SSX2IP: variants seen among roughly 807,000 people sequenced by gnomAD.
The protein encoded by SSX2IP is SSX family member 2 interacting protein.
SSX2IP carries 55 observed loss-of-function variants against 84.9 expected under a neutral mutation model. The ratio of observed to expected loss-of-function variants is 0.65; its 90% confidence interval spans 0.52 to 0.81. The LOEUF (loss-of-function observed/expected upper bound fraction) is 0.81. Among genes scored for constraint, SSX2IP ranks in the 30% least tolerant of loss-of-function variants. The pLI, the probability that SSX2IP is intolerant of heterozygous loss-of-function variation, is 0.00. For missense variants in SSX2IP, 664 were observed against 705.2 expected, an observed-to-expected ratio of 0.94 and a Z score of 0.66; for synonymous variants, 239 against 234.7, an observed-to-expected ratio of 1.02 and a Z score of -0.17.
chr1:84,647,470 T>A lies in SSX2IP; in HGVS notation c.1808A>T (p.Tyr603Phe). 1 of 1,607,876 alleles carries A rather than the reference T, an allele frequency of 6.2e-7. No homozygotes were observed. Among genetic ancestry groups the A allele is most frequent in the Non-Finnish European group, 8.5e-7 (1 of 1,177,276 alleles). The change falls in exon 14 of 14, where the codon TAC (tyrosine) becomes TTC (phenylalanine). Residue 603 changes from tyrosine (Y) to phenylalanine (F), a missense_variant. Transcript: ENST00000342203. ...ATCTTTTTCTACATGAGAATTTGTG[T>A]AGCTCAAGGAGCATCCACTATAGCA... ...EGCYSGCSLS[Y>F]TNSHVEKDDL... is the part of the protein sequence containing the mutation.
At chr1:84,685,470 G>A (rs886085883) in intron 1 of SSX2IP, among the ~76,000 whole-genome samples, 4 of 152,214 alleles carry the variant, frequency 2.6e-5, no homozygotes, top group Non-Finnish European at 4.4e-5. Context: ...TCCATTAGCT[G>A]TTATCACTTA....
intron 1 of SSX2IP, among the ~76,000 whole-genome samples, chr1:84,676,671 T>C (rs1166369999): frequency 7.0e-6 from 1 of 143,428 alleles, no homozygotes; most frequent in African/African-American, 2.7e-5. Flanking sequence ...TTCTAATTGG[T>C]TGTGAAGCCA....
intron 1 of SSX2IP, among the ~76,000 whole-genome samples, chr1:84,682,015 T>C (rs1024615990): frequency 6.6e-6 from 1 of 152,224 alleles, no homozygotes; most frequent in African/African-American, 2.4e-5. Context: ...AAATTGACTT[T>C]ATTAACACCC....
chr1:84,689,921 T>C (rs892953894), intron 1 of SSX2IP, among the ~76,000 whole-genome samples: 14 of 152,314 alleles, frequency 9.2e-5, no homozygotes, highest in African/African-American at 3.4e-4. Context: ...GACTGCCTCT[T>C]GCGGCTGCAC....
rs772023842 is a variant in SSX2IP, at chr1:84,665,885, T to TA, written c.537+236dup. Among the ~76,000 whole-genome samples the TA allele has an allele frequency of 4.6e-5, 7 of 152,308 alleles. No homozygotes were observed. In the East Asian group the frequency reaches 9.6e-4, roughly 21 times the overall value. ...AAGGGCAGTCCAGGACACTGGCTGTTACCAGCTATGAACTAATATCTAAGC... is the reference window on the plus strand; with the variant it reads ...AAGGGCAGTCCAGGACACTGGCTGTTAACCAGCTATGAACTAATATCTAAGC... On this transcript the variant is annotated intron_variant, in intron 5 of 13. Coordinates refer to ENST00000342203, the MANE Select transcript of SSX2IP (RefSeq NM_001166293.2).
chr1:84,688,547 T>A (rs1214910324), intron 1 of SSX2IP, among the ~76,000 whole-genome samples: 2 of 152,224 alleles, frequency 1.3e-5, no homozygotes, highest in African/African-American at 4.8e-5. Flanking sequence ...AACGCCTACT[T>A]TATAAAACCG....
chr1:84,656,712 CAGG>C (rs1651179394), intron 9 of SSX2IP, among the ~76,000 whole-genome samples: 2 of 152,182 alleles, frequency 1.3e-5, no homozygotes, highest in Admixed American at 6.5e-5. Context: ...AAAGCAACTA[CAGG>C]AGTTCATGAC....
In SSX2IP at chr1:84,645,457, T is replaced by C. The variant is rs2102088049; in HGVS notation, c.*1976A>G. The C allele has an allele frequency of 6.6e-6, 1 of 152,316 alleles. No individual in the cohort carries two copies. Among genetic ancestry groups the C allele is most frequent in the East Asian group, 1.9e-4 (1 of 5,190 alleles). 9.4% of individuals were successfully genotyped at this position (152,316 alleles called of 1,614,324 possible). On this transcript the variant is annotated 3_prime_UTR_variant, in exon 14 of 14. Transcript: ENST00000342203. ...TTAAAAGTACGTCTCAAGGAATCTT[T>C]CTTTCCAATTTGAGAACTCAACTCA...
intron 11 of SSX2IP, among the ~76,000 whole-genome samples, chr1:84,652,949 A>G (rs949854269): frequency 3.3e-5 from 5 of 151,990 alleles, no homozygotes; most frequent in Non-Finnish European, 7.4e-5. Context: ...GGAGAATGGC[A>G]TGAACCCAGG....
Position 84,671,283 on chromosome 1 carries a change from C to T in SSX2IP, c.-64G>A, listed in dbSNP as rs1653542598. The T allele has an allele frequency of 6.3e-7, 1 of 1,591,670 alleles. No individual in the cohort carries two copies. Among genetic ancestry groups the T allele is most frequent in the East Asian group, 2.3e-5 (1 of 44,066 alleles). ...AGCAGTTAAACATTTAGTCTAGCTGCTGTCACTCTTCTATGTAGGCATCTC... is the reference window on the plus strand; with the variant it reads ...AGCAGTTAAACATTTAGTCTAGCTGTTGTCACTCTTCTATGTAGGCATCTC... On this transcript the variant is annotated 5_prime_UTR_variant, in exon 2 of 14. Coordinates refer to ENST00000342203, the MANE Select transcript of SSX2IP (RefSeq NM_001166293.2).
At chr1:84,672,846 G>A (rs1201724593) in intron 1 of SSX2IP, among the ~76,000 whole-genome samples, 2 of 152,068 alleles carry the variant, frequency 1.3e-5, no homozygotes, top group African/African-American at 2.4e-5. Context: ...CCAACATGGC[G>A]AAACCCCCGT....
At chr1:84,685,327 T>C (rs979138724) in intron 1 of SSX2IP, among the ~76,000 whole-genome samples, 1 of 152,152 alleles carries the variant, frequency 6.6e-6, no homozygotes, top group Non-Finnish European at 1.5e-5. Flanking sequence ...TTTCAGAGGA[T>C]CTATGAAGCC....
intron 8 of SSX2IP, among the ~76,000 whole-genome samples, chr1:84,660,170 A>G (rs1651730510): frequency 6.6e-6 from 1 of 152,224 alleles, no homozygotes; most frequent in South Asian, 2.1e-4. Context: ...TACAAAAATT[A>G]AAGAGAAAAG....
Position 84,666,219 on chromosome 1 carries a change from G to A in SSX2IP, c.440C>T (p.Thr147Ile), listed in dbSNP as rs745836020. Reference protein sequence around the residue: ...CYSKLKEQLETSRREMIGLQE... With the variant: ...CYSKLKEQLEISRREMIGLQE... ...AAGCCCAATCATTTCCCTCCTGGAG[G>A]TTTCCAGTTGTTCCTAAAACATTTA... Residue 147 changes from threonine (T) to isoleucine (I), a missense_variant, in exon 5 of 14, where the codon ACC (threonine) becomes ATC (isoleucine). Physicochemically the swap from Thr to Ile is moderately conservative, Grantham distance 89. Transcript: ENST00000342203. 7 of 1,609,286 alleles carry A rather than the reference G, an allele frequency of 4.3e-6. No individual in the cohort carries two copies. The South Asian group carries it at 6.7e-5, about 15-fold the overall frequency.
In SSX2IP at chr1:84,657,309, G is replaced by GT. The variant is rs1379017653; in HGVS notation, c.1079-826dup. ...TTCAATTTTTAAAATTTAAAAAAAA[G>GT]TAAGTATCTTTCAAATCCATAGAGG... is the stretch of plus-strand genomic sequence containing the variant. On this transcript the variant is annotated intron_variant, in intron 9 of 13. Coordinates refer to ENST00000342203, the MANE Select transcript of SSX2IP (RefSeq NM_001166293.2). Among the ~76,000 whole-genome samples, 6 of 152,074 alleles carry GT rather than the reference G, an allele frequency of 3.9e-5. No homozygotes were observed. The East Asian group carries it at 9.6e-4, about 24-fold the overall frequency.
intron 11 of SSX2IP, 38 bp from the exon 12 acceptor site, chr1:84,652,035 CA>C: frequency 6.8e-7 from 1 of 1,465,138 alleles, no homozygotes; most frequent in Non-Finnish European, 9.6e-7. Flanking sequence ...ATCAATATTT[CA>C]ACATCCACAC....
intron 1 of SSX2IP, among the ~76,000 whole-genome samples, chr1:84,677,068 T>C (rs1006439417): frequency 6.6e-6 from 1 of 152,196 alleles, no homozygotes; most frequent in African/African-American, 2.4e-5. Flanking sequence ...TTTGTACACA[T>C]AAATCTCTAT....
intron 1 of SSX2IP, among the ~76,000 whole-genome samples, chr1:84,676,757 C>G (rs370492421): frequency 2.5e-4 from 31 of 123,426 alleles, no homozygotes; most frequent in African/African-American, 9.5e-4. Context: ...GAGTCTCGCT[C>G]TGTCACCCAG....
chr1:84,653,047 C>CA (rs904082221), intron 11 of SSX2IP, among the ~76,000 whole-genome samples: 1 of 151,574 alleles, frequency 6.6e-6, no homozygotes, highest in South Asian at 2.1e-4. Flanking sequence ...AAAACAAAAA[C>CA]AAAAAAACTA....
Sources: gnomAD v4.1 joint callset for allele counts (sites outside exome capture counted in the v4.1 genomes callset) on GRCh38, gnomAD v4.1.1 for gene constraint, MANE v1.5 for transcripts, NCBI Gene and HGNC (gene_info 2026-07-23, HGNC 2026-07-21) for gene names.